UNC5C: variants seen among roughly 807,000 people sequenced by gnomAD.
UNC5C encodes the protein unc-5 netrin receptor C.
UNC5C carries 47 observed loss-of-function variants against 99.8 expected under a neutral mutation model. The ratio of observed to expected loss-of-function variants is 0.47; its 90% CI spans 0.37 to 0.60. The LOEUF is 0.60. UNC5C is among the 20% of genes least tolerant of loss of function. UNC5C has a pLI of 0.00. For missense variants in UNC5C, 1,062 were observed against 1,165.9 expected (o/e 0.91, Z 1.30); for synonymous variants, 487 against 452.2 (o/e 1.08, Z -0.98).
intron 1 of UNC5C, among the ~76,000 whole-genome samples, chr4:95,465,989 A>G (rs1302732971): frequency 6.6e-6 from 1 of 152,202 alleles, no homozygotes; most frequent in East Asian, 1.9e-4. Context: ...AAGCTAGTCA[A>G]GTAAACCTGG....
At chr4:95,453,041 G>A (rs761591458) in intron 1 of UNC5C, among the ~76,000 whole-genome samples, 5 of 152,028 alleles carry the variant, frequency 3.3e-5, no homozygotes, top group East Asian at 3.9e-4. Flanking sequence ...CAGATTTTAC[G>A]GAAAATATAC....
chr4:95,292,676 G>A (rs1407351801), intron 3 of UNC5C, among the ~76,000 whole-genome samples: 1 of 152,176 alleles, frequency 6.6e-6, no homozygotes, highest in South Asian at 2.1e-4. Context: ...GTACAAGAGT[G>A]TAGAGGCAAT....
Position 95,489,326 on chromosome 4 carries a change from G to A in UNC5C, c.124+59408C>T, listed in dbSNP as rs115546945. On this transcript the variant is annotated intron_variant, in intron 1 of 15. Coordinates refer to ENST00000453304, the MANE Select transcript of UNC5C (RefSeq NM_003728.4). ...AGCACATGGGGATTTTTAAGGAACA[G>A]AATTAAGGCCAGTGGAACTCAGTGA... 4.5e-3 allele frequency among the ~76,000 whole-genome samples: 690 copies of A among 151,788 alleles called. 4 individuals carry two copies. The highest frequency in any genetic ancestry group is 0.016 in the African/African-American group (657 of 41,480).
intron 14 of UNC5C, among the ~76,000 whole-genome samples, chr4:95,173,917 G>A (rs1454255961): frequency 6.6e-6 from 1 of 151,880 alleles, no homozygotes; most frequent in Non-Finnish European, 1.5e-5. Context: ...CACAATTTCA[G>A]CTCCTGTTAT....
intron 1 of UNC5C, among the ~76,000 whole-genome samples, chr4:95,339,269 C>T (rs1237736811): frequency 1.3e-5 from 2 of 151,906 alleles, no homozygotes; most frequent in Admixed American, 1.3e-4. Flanking sequence ...TTTGGATGTT[C>T]CCTAGTGCCC....
chr4:95,358,799 A>G (rs1157692169), intron 1 of UNC5C, among the ~76,000 whole-genome samples: 2 of 152,174 alleles, frequency 1.3e-5, no homozygotes, highest in Admixed American at 1.3e-4. Context: ...TCTTTACATG[A>G]AGTTGAAAGA....
intron 1 of UNC5C, among the ~76,000 whole-genome samples, chr4:95,336,520 T>C (rs1408515833): frequency 2.0e-5 from 3 of 151,930 alleles, no homozygotes; most frequent in Non-Finnish European, 4.4e-5. Flanking sequence ...TATTGGTACT[T>C]AAAGGCTGGT....
Position 95,181,901 on chromosome 4 carries a change from G to C in UNC5C, c.2451+996C>G, listed in dbSNP as rs542160053. Among the ~76,000 whole-genome samples the C allele has an allele frequency of 3.3e-5, 5 of 152,322 alleles. No individual in the cohort carries two copies. The East Asian group carries it at 7.7e-4, about 24-fold the overall frequency. On this transcript the variant is annotated intron_variant, in intron 14 of 15. Transcript: ENST00000453304. ...ACATGCTGACATTGCATTCGTCACT[G>C]TGCATGACACAACGAGGGAGAGGTA...
At chr4:95,248,870 T>C (rs1250972624) in intron 5 of UNC5C, among the ~76,000 whole-genome samples, 1 of 152,222 alleles carries the variant, frequency 6.6e-6, no homozygotes, top group East Asian at 1.9e-4. Flanking sequence ...GTAGTGTTCA[T>C]AAAGTCTACA....
At chr4:95,279,117 A>G (rs558734096) in intron 3 of UNC5C, among the ~76,000 whole-genome samples, 1 of 152,298 alleles carries the variant, frequency 6.6e-6, no homozygotes, top group East Asian at 1.9e-4. Context: ...CTTTTGATTA[A>G]TACTCTAAGT....
At chr4:95,494,033 T>C (rs1721571937) in intron 1 of UNC5C, among the ~76,000 whole-genome samples, 1 of 151,462 alleles carries the variant, frequency 6.6e-6, no homozygotes, top group Non-Finnish European at 1.5e-5. Context: ...AATAAGGAGA[T>C]ATTAAAACTG....
intron 1 of UNC5C, among the ~76,000 whole-genome samples, chr4:95,364,999 A>G (rs1260089537): frequency 1.3e-5 from 2 of 151,744 alleles, no homozygotes; most frequent in African/African-American, 4.8e-5. Context: ...TTACATGTAA[A>G]AAATAAATAT....
At chr4:95,326,452 T>C (rs187533515) in intron 2 of UNC5C, among the ~76,000 whole-genome samples, 1 of 148,448 alleles carries the variant, frequency 6.7e-6, no homozygotes, top group Non-Finnish European at 1.5e-5. Flanking sequence ...GCCTGAGTTC[T>C]TCTTAAAAAT....
At chr4:95,424,291 C>T (rs934381124) in intron 1 of UNC5C, among the ~76,000 whole-genome samples, 2 of 151,412 alleles carry the variant, frequency 1.3e-5, no homozygotes, top group Non-Finnish European at 2.9e-5. Context: ...TGTGTACACA[C>T]GGAAGCCAAA....
rs1262298670 is a variant in UNC5C at position 95,236,406 on chromosome 4, G to A, written c.1108+6023C>T. Among the ~76,000 whole-genome samples, 3 of 150,042 alleles carry A rather than the reference G, an allele frequency of 2.0e-5. No individual in the cohort carries two copies. In the Admixed American group the frequency reaches 2.0e-4, roughly 10 times the overall value. ...GATGAGAACACTTGGACACAGGAAG[G>A]GGGACATCACACACCGGGGCCTGTT... is the stretch of plus-strand genomic sequence containing the variant. On this transcript the variant is annotated intron_variant, in intron 7 of 15. Transcript: ENST00000453304.
intron 1 of UNC5C, among the ~76,000 whole-genome samples, chr4:95,542,255 C>T (rs921302774): frequency 4.6e-5 from 7 of 152,082 alleles, no homozygotes; most frequent in African/African-American, 1.4e-4. Context: ...GCTCCCCTCA[C>T]GCTCACATTC....
At chr4:95,343,728 A>T (rs191149632) in intron 1 of UNC5C, among the ~76,000 whole-genome samples, 2,866 of 152,202 alleles carry the variant, frequency 0.019, 70 homozygotes, top group African/African-American at 0.066. Context: ...AGATACATTT[A>T]GCAGAGAAAT....
At chr4:95,452,255 A>G (rs1406152137) in intron 1 of UNC5C, among the ~76,000 whole-genome samples, 1 of 129,564 alleles carries the variant, frequency 7.7e-6, no homozygotes, top group African/African-American at 3.2e-5. Flanking sequence ...TAACTTTCTG[A>G]TAAAAAAAAA....
intron 1 of UNC5C, among the ~76,000 whole-genome samples, chr4:95,394,649 T>C (rs1226071394): frequency 2.1e-5 from 2 of 93,254 alleles, no homozygotes; most frequent in African/African-American, 9.7e-5. Context: ...AAAAGGTATT[T>C]GCTGTGTGTG....
Sources: gnomAD v4.1 joint callset for allele counts (sites outside exome capture counted in the v4.1 genomes callset) on GRCh38, gnomAD v4.1.1 for gene constraint, MANE v1.5 for transcripts, NCBI Gene and HGNC (gene_info 2026-07-23, HGNC 2026-07-21) for gene names.